Variants in ITGA2B observed in about 807,000 individuals in gnomAD.
ITGA2B encodes integrin subunit alpha 2b.
Under a neutral mutation model 142.0 loss-of-function variants are expected in ITGA2B, and 91 were observed. The ratio of observed to expected loss-of-function variants is 0.64; its 90% CI spans 0.54 to 0.76. The LOEUF is 0.76. Among genes scored for constraint, ITGA2B ranks in the 30% least tolerant of loss-of-function variants. ITGA2B has a pLI of 0.00. For synonymous variants in ITGA2B, 536 were observed against 567.2 expected (o/e 0.94, Z 0.78); for missense variants, 1,231 against 1,350.8 (o/e 0.91, Z 1.39).
In ITGA2B at chr17:44,375,573, A is replaced by G; in HGVS notation, c.2727+18T>C. 1 of 1,612,824 alleles carries G rather than the reference A, an allele frequency of 6.2e-7. No homozygotes were observed. Among genetic ancestry groups the G allele is most frequent in the Non-Finnish European group, 8.5e-7 (1 of 1,179,194 alleles). On this transcript the variant is annotated intron_variant, in intron 26 of 29. Transcript: ENST00000262407. ...GGGTCCCGGGGAGGCCGGGCCAGAG[A>G]CCAGAGAGCCTGCTCACTACGAGAA...
chr17:44,384,632 G>A, intron 7 of ITGA2B, 47 bp from the exon 8 acceptor site: 1 of 1,595,418 alleles, frequency 6.3e-7, no homozygotes, highest in Non-Finnish European at 8.6e-7. Flanking sequence ...AGGAAGCACA[G>A]AGGGGACGGA....
Position 44,378,491 on chromosome 17 carries a change from T to G in ITGA2B, c.1965A>C (p.Leu655=), listed in dbSNP as rs748671094. 15 of 1,613,692 alleles carry G rather than the reference T, an allele frequency of 9.3e-6. No individual in the cohort carries two copies. In the African/African-American group the frequency reaches 2.0e-4, roughly 22 times the overall value. ...GCTCCAGGACATTATCTGCCCCAAC[T>G]AGGAGCGGGGAGCCCGTCCTGTGGG... ...LTASVTGSPL[L]VGADNVLELQ... is the part of the protein sequence containing the mutation. The change falls in exon 20 of 30, where the codon CTA becomes CTC. Residue 655 remains leucine, a synonymous_variant. Transcript: ENST00000262407.
chr17:44,382,988 A>G (rs972055742), intron 12 of ITGA2B, among the ~76,000 whole-genome samples: 2 of 151,856 alleles, frequency 1.3e-5, no homozygotes, highest in Admixed American at 6.6e-5. Context: ...TCCCATTCAG[A>G]TCTCTCTTGT....
chr17:44,372,313 G>T lies in ITGA2B; in HGVS notation c.*51C>A, dbSNP rs139513907. 7 of 1,578,332 alleles carry T rather than the reference G, an allele frequency of 4.4e-6. No homozygotes were observed. The highest frequency in any genetic ancestry group is 1.1e-5 in the South Asian group (1 of 90,280). The stretch of plus-strand genomic sequence containing the variant: ...GGAGGCAACTTGTTGGAGAAGGGGC[G>T]GTGCAGGTAGCACGCCCAACCCTCC... On this transcript the variant is annotated 3_prime_UTR_variant, in exon 30 of 30. Transcript: ENST00000262407.
chr17:44,384,985 A>G lies in ITGA2B; in HGVS notation c.762T>C (p.Phe254=). 1 of 1,614,088 alleles carries G rather than the reference A, an allele frequency of 6.2e-7. No individual in the cohort carries two copies. ...CGAAGTACTCTGGGTTGCTGGAGTCAAAGGAGAGGCTCTGGGAGGACACGT... is the reference window on the plus strand; with the variant it reads ...CGAAGTACTCTGGGTTGCTGGAGTCGAAGGAGAGGCTCTGGGAGGACACGT... The part of the protein sequence containing the change: ...LWHVSSQSLS[F]DSSNPEYFDG... The change falls in exon 7 of 30, where the codon TTT becomes TTC. Residue 254 remains phenylalanine, a synonymous_variant. Transcript: ENST00000262407.
intron 29 of ITGA2B, 85 bp downstream of exon 29, chr17:44,374,269 C>T: frequency 8.2e-7 from 1 of 1,215,918 alleles, no homozygotes; most frequent in Non-Finnish European, 1.2e-6. Context: ...CTTGGGTGGG[C>T]CACCATCTCT....
Position 44,376,236 on chromosome 17 carries a change from G to T in ITGA2B, c.2349-52C>A, listed in dbSNP as rs372003753. 9.7e-5 allele frequency: 156 copies of T among 1,613,652 alleles called. No individual in the cohort carries two copies. In the African/African-American group the frequency reaches 1.9e-3, roughly 20 times the overall value. On this transcript the variant is annotated intron_variant, in intron 23 of 29. Coordinates refer to ENST00000262407, the MANE Select transcript of ITGA2B (RefSeq NM_000419.5). ...GAGTGTGATGCCCTGATTGGCCTGT[G>T]AGGTTTCCCCAGCGCCCCCTGGAGT...
Position 44,384,946 on chromosome 17 carries a change from A to C in ITGA2B, c.799+2T>G, listed in dbSNP as rs1194700242. 1 of 1,613,792 alleles carries C rather than the reference A, an allele frequency of 6.2e-7. No individual in the cohort carries two copies. Among genetic ancestry groups the C allele is most frequent in the Non-Finnish European group, 8.5e-7 (1 of 1,179,958 alleles). The stretch of plus-strand genomic sequence containing the variant: ...GCTGGAAGTCTGGAATGGCGGTGTT[A>C]CCCCAGTAGCCGTCGAAGTACTCTG... On this transcript the variant is annotated splice_donor_variant, in intron 7 of 29. Transcript: ENST00000262407. LOFTEE classifies it high-confidence loss of function.
At chr17:44,375,429 G>A (rs2048532089) in intron 26 of ITGA2B, 162 bp downstream of exon 26, 1 of 851,954 alleles carries the variant, frequency 1.2e-6, no homozygotes, top group South Asian at 1.8e-5. Context: ...GCTCACCCCA[G>A]ACACAAGCCA....
At position 44,385,597 on chromosome 17, in the gene ITGA2B, G is replaced by T. The variant is rs544126537; in HGVS notation, c.528C>A (p.Pro176=). ...PESGRRAEYS[P]CRGNTLSRIY... The stretch of plus-strand genomic sequence containing the variant: ...TGCGGCTCAGGGTGTTCCCGCGACA[G>T]GGGGAGTACTCGGCGCGGCGGCCGC... The change falls in exon 4 of 30, where the codon CCC becomes CCA. Residue 176 remains proline (P), a synonymous_variant. Coordinates refer to ENST00000262407, the MANE Select transcript of ITGA2B (RefSeq NM_000419.5). 6.2e-7 allele frequency: 1 copy of T among 1,610,822 alleles called. No individual in the cohort carries two copies. Among genetic ancestry groups the T allele is most frequent in the Non-Finnish European group, 8.5e-7 (1 of 1,179,340 alleles).
Position 44,376,185 on chromosome 17 carries a change from C to T in ITGA2B, c.2349-1G>A. 1 of 1,614,162 alleles carries T rather than the reference C, an allele frequency of 6.2e-7. No homozygotes were observed. The highest frequency in any genetic ancestry group is 1.1e-5 in the South Asian group (1 of 91,080). On this transcript the variant is annotated splice_acceptor_variant, in intron 23 of 29. Transcript: ENST00000262407. LOFTEE classifies it high-confidence loss of function. ...CACCAGGGAGGCTGGAAAGGAGTTC[C>T]TGCAGGTGCCCAAGACCCCCAGAGA...
At chr17:44,374,513 G>A (rs1432508850) in intron 28 of ITGA2B, 43 bp from the exon 29 acceptor site, 4 of 1,581,932 alleles carry the variant, frequency 2.5e-6, no homozygotes, top group East Asian at 2.2e-5. Flanking sequence ...CTTGACACCT[G>A]CCTTTCACAA....
rs1376859504 is a variant in ITGA2B, at chr17:44,383,674, C to G, written c.1029G>C (p.Leu343=). The change falls in exon 12 of 30, where the codon CTG becomes CTC. Residue 343 remains leucine (L), a synonymous_variant. Transcript: ENST00000262407. Reference sequence around the variant, plus strand: ...TTCGGTCTGCCCGGCTCTCCATATACAGTGGAGCGCCCACCAGCAGATCAT... The same window carrying G: ...TTCGGTCTGCCCGGCTCTCCATATAGAGTGGAGCGCCCACCAGCAGATCAT... The part of the protein sequence containing the change: ...GRHDLLVGAP[L]YMESRADRKL... 1 of 1,587,744 alleles carries G rather than the reference C, an allele frequency of 6.3e-7. No individual in the cohort carries two copies. The highest frequency in any genetic ancestry group is 8.6e-7 in the Non-Finnish European group (1 of 1,166,696).
intron 12 of ITGA2B, among the ~76,000 whole-genome samples, chr17:44,381,373 T>G (rs2048596152): frequency 6.6e-6 from 1 of 152,008 alleles, no homozygotes; most frequent in Admixed American, 6.5e-5. Context: ...TCTGTTGTCC[T>G]GGCTGGAGTG....
Position 44,379,701 on chromosome 17 carries a change from A to G in ITGA2B, c.1866T>C (p.His622=), listed in dbSNP as rs768397676. 3.7e-6 allele frequency: 6 copies of G among 1,613,486 alleles called. No homozygotes were observed. The highest frequency in any genetic ancestry group is 5.1e-6 in the Non-Finnish European group (6 of 1,179,914). ...TGCCTGTCCCTACCTGCTCCTGCAC[A>G]TGGGTGTCTCCATGCAGCACGACAG... is the stretch of plus-strand genomic sequence containing the variant. ...APAVVLHGDT[H]VQEQTRIVLD... is the part of the protein sequence containing the mutation. Residue 622 remains histidine, a synonymous_variant, in exon 18 of 30, where the codon CAT becomes CAC. Coordinates refer to ENST00000262407, the MANE Select transcript of ITGA2B (RefSeq NM_000419.5).
At chr17:44,381,132 G>T in intron 12 of ITGA2B, 71 bp from the exon 13 acceptor site, 1 of 1,464,092 alleles carries the variant, frequency 6.8e-7, no homozygotes, top group South Asian at 1.2e-5. Flanking sequence ...AAACTTTCCT[G>T]AGCTTCTCTG....
Position 44,389,510 on chromosome 17 carries a change from C to T in ITGA2B, c.-37G>A. The T allele has an allele frequency of 6.2e-7, 1 of 1,605,476 alleles. No homozygotes were observed. Among genetic ancestry groups the T allele is most frequent in the South Asian group, 1.1e-5 (1 of 90,688 alleles). Reference sequence around the variant, plus strand: ...CACAACCTCCCAGGCAGGAATGGGCCAGCTCCTCCTCCTTCCCTTCAGATT... The same window carrying T: ...CACAACCTCCCAGGCAGGAATGGGCTAGCTCCTCCTCCTTCCCTTCAGATT... On this transcript the variant is annotated 5_prime_UTR_variant, in exon 1 of 30. Transcript: ENST00000262407.
chr17:44,374,814 CAGG>C (rs2143430240), intron 27 of ITGA2B, 54 bp from the exon 28 acceptor site: 7 of 1,480,854 alleles, frequency 4.7e-6, no homozygotes, highest in Non-Finnish European at 6.6e-6. Flanking sequence ...CTATTGGTTG[CAGG>C]AGTCCAGGTC....
Position 44,375,592 on chromosome 17 carries a change from A to G in ITGA2B, c.2726T>C (p.Val909Ala), listed in dbSNP as rs775937063. Reference sequence around the variant, plus strand: ...CCAGAGACCAGAGAGCCTGCTCACTACGAGAACTGGATCCTGAAGCCTCGA... The same window carrying G: ...CCAGAGACCAGAGAGCCTGCTCACTGCGAGAACTGGATCCTGAAGCCTCGA... ...QPSRLQDPVL[V>A]SCDSAPCTVV... The change falls in exon 26 of 30, where the codon GTA (valine) becomes GCA (alanine). Residue 909 changes from valine to alanine, a missense_variant and splice_region_variant. Coordinates refer to ENST00000262407, the MANE Select transcript of ITGA2B (RefSeq NM_000419.5). 7 of 1,614,010 alleles carry G rather than the reference A, an allele frequency of 4.3e-6. No homozygotes were observed. In the East Asian group the frequency reaches 1.1e-4, roughly 26 times the overall value.
Sources: allele counts gnomAD v4.1 joint callset (sites outside exome capture counted in the v4.1 genomes callset), GRCh38; gene constraint gnomAD v4.1.1; transcripts MANE v1.5; gene names NCBI Gene and HGNC (gene_info 2026-07-23, HGNC 2026-07-21).